TNFRSF10B: variants seen among roughly 807,000 people sequenced by gnomAD.
The protein encoded by TNFRSF10B is tumor necrosis factor receptor superfamily member 10B.
Under a neutral mutation model 41.4 loss-of-function variants are expected in TNFRSF10B, and 35 were observed. That is an observed-to-expected ratio of 0.85 (90% confidence interval 0.65 to 1.12). The LOEUF (loss-of-function observed/expected upper bound fraction) is 1.12, where lower values mean the gene tolerates loss of function less well. Among genes scored for constraint, TNFRSF10B ranks in the 50% most tolerant of loss-of-function variants. TNFRSF10B has a pLI of 0.00. For synonymous variants in TNFRSF10B, 230 were observed against 215.5 expected (o/e 1.07, Z -0.59); for missense variants, 584 against 552.7 (o/e 1.06, Z -0.57).
rs1563303098 is a variant in TNFRSF10B at position 23,022,115 on chromosome 8, CCGGG to C, written c.*552_*555del. 4.7e-6 allele frequency: 2 copies of C among 423,534 alleles called. No homozygotes were observed. Among genetic ancestry groups the C allele is most frequent in the Non-Finnish European group, 9.3e-6 (2 of 214,602 alleles). The allele number at this position is 423,534 out of a possible 1,614,324, so 26.2% of individuals were successfully genotyped here. Reference sequence around the variant, plus strand: ...ATCTAGACAAAATACAAAAAATTAGCCGGGCGTGGTGGTGCACACCTGTGGTCCC... The same window carrying C: ...ATCTAGACAAAATACAAAAAATTAGCCGTGGTGGTGCACACCTGTGGTCCC... On this transcript the variant is annotated 3_prime_UTR_variant, in exon 9 of 9. Transcript: ENST00000276431.
intron 1 of TNFRSF10B, among the ~76,000 whole-genome samples, chr8:23,053,845 G>A (rs1812589097): frequency 6.6e-6 from 1 of 152,112 alleles, no homozygotes; most frequent in Non-Finnish European, 1.5e-5. Flanking sequence ...ATGGTGTTTG[G>A]CTTTCTTTGG....
intron 3 of TNFRSF10B, among the ~76,000 whole-genome samples, 186 bp from the exon 4 acceptor site, chr8:23,029,907 G>A (rs1286310701): frequency 6.6e-6 from 1 of 152,130 alleles, no homozygotes; most frequent in African/African-American, 2.4e-5. Flanking sequence ...ACTAACACTC[G>A]TTGAGTCATA....
At chr8:23,054,768 G>A (rs1812613333) in intron 1 of TNFRSF10B, among the ~76,000 whole-genome samples, 1 of 152,142 alleles carries the variant, frequency 6.6e-6, no homozygotes, top group South Asian at 2.1e-4. Context: ...CAACTCATAG[G>A]TATTTGATGG....
At chr8:23,052,533 G>A (rs867004865) in intron 1 of TNFRSF10B, among the ~76,000 whole-genome samples, 11 of 152,074 alleles carry the variant, frequency 7.2e-5, no homozygotes, top group East Asian at 5.8e-4. Context: ...TGATCCGCCC[G>A]CCTCAGCCTC....
At chr8:23,062,215 T>TTTTTTC (rs543823064) in intron 1 of TNFRSF10B, among the ~76,000 whole-genome samples, 1 of 152,070 alleles carries the variant, frequency 6.6e-6, no homozygotes, top group African/African-American at 2.4e-5. Context: ...ATGGTTTTTC[T>TTTTTTC]TTTTTCTTTT....
intron 1 of TNFRSF10B, among the ~76,000 whole-genome samples, chr8:23,047,572 C>A (rs1282507052): frequency 2.6e-5 from 4 of 151,534 alleles, no homozygotes; most frequent in Admixed American, 2.0e-4. Context: ...GTAGAAGACA[C>A]ACAAATGGTC....
chr8:23,041,223 A>C (rs112369167), intron 2 of TNFRSF10B, among the ~76,000 whole-genome samples: 11,712 of 152,006 alleles, frequency 0.077, 1,528 homozygotes, highest in African/African-American at 0.26. Flanking sequence ...TACCCAGCTA[A>C]TGTTTGTATT....
rs144539754 is a variant in TNFRSF10B at position 23,027,100 on chromosome 8, G to A, written c.936+33C>T. 1,376 of 1,613,244 alleles carry A rather than the reference G, an allele frequency of 8.5e-4. 13 individuals carry two copies. In the African/African-American group the frequency reaches 0.016, roughly 18 times the overall value. On this transcript the variant is annotated intron_variant, in intron 7 of 8. Coordinates refer to ENST00000276431, the MANE Select transcript of TNFRSF10B (RefSeq NM_003842.5). ...CTACGAAATCCCAGGTGAGCAGCAT[G>A]CCAGGAAACAAAATGATCTGTCCCC...
intron 2 of TNFRSF10B, among the ~76,000 whole-genome samples, chr8:23,041,971 C>T (rs893907339): frequency 5.3e-5 from 8 of 152,182 alleles, no homozygotes; most frequent in African/African-American, 1.9e-4. Flanking sequence ...CAAGCATCAC[C>T]TATGTGCTAG....
At chr8:23,064,217 G>A (rs991883751) in intron 1 of TNFRSF10B, among the ~76,000 whole-genome samples, 1 of 152,226 alleles carries the variant, frequency 6.6e-6, no homozygotes, top group Admixed American at 6.5e-5. Context: ...AGGGACAGTA[G>A]TGGACATAGA....
chr8:23,067,891 T>C (rs1170335269), intron 1 of TNFRSF10B, among the ~76,000 whole-genome samples: 5 of 152,180 alleles, frequency 3.3e-5, no homozygotes, highest in African/African-American at 1.2e-4. Flanking sequence ...TCTCTTCCTC[T>C]GTAAAATGTG....
In TNFRSF10B at chr8:23,020,163, T is replaced by C. The variant is rs925824238; in HGVS notation, c.*2508A>G. On this transcript the variant is annotated 3_prime_UTR_variant, in exon 9 of 9. Transcript: ENST00000276431. The stretch of plus-strand genomic sequence containing the variant: ...ATATAAGGTTTCATATTTAATTTGG[T>C]CATGGATTCATAAATACATAAGTAT... 6 of 412,224 alleles carry C rather than the reference T, an allele frequency of 1.5e-5. No homozygotes were observed. The highest frequency in any genetic ancestry group is 2.8e-5 in the Admixed American group (1 of 36,362). 25.5% of individuals were successfully genotyped at this position (412,224 alleles called of 1,614,324 possible). A position where few individuals can be genotyped will look rare whatever the true frequency, so the allele number is the denominator to read the frequency against.
intron 2 of TNFRSF10B, among the ~76,000 whole-genome samples, chr8:23,034,565 C>T (rs973385868): frequency 6.6e-6 from 1 of 152,140 alleles, no homozygotes; most frequent in Non-Finnish European, 1.5e-5. Flanking sequence ...CATCTGTACA[C>T]ACACATACAA....
chr8:23,061,899 G>T (rs540250870), intron 1 of TNFRSF10B, among the ~76,000 whole-genome samples: 3 of 152,290 alleles, frequency 2.0e-5, no homozygotes, highest in African/African-American at 7.2e-5. Flanking sequence ...CTTGGTCATG[G>T]TGTATAATCC....
rs375732089 is a variant in TNFRSF10B at position 23,020,507 on chromosome 8, C to A, written c.*2164G>T. On this transcript the variant is annotated 3_prime_UTR_variant, in exon 9 of 9. Coordinates refer to ENST00000276431, the MANE Select transcript of TNFRSF10B (RefSeq NM_003842.5). ...AGGAGTTCGAGACCAGCCTGACCAA[C>A]ATGGTGAAACCCCGTCTCTACTAAA... is the stretch of plus-strand genomic sequence containing the variant. The A allele has an allele frequency of 3.3e-5, 15 of 451,786 alleles. No homozygotes were observed. The East Asian group carries it at 9.1e-4, about 27-fold the overall frequency. 28.0% of individuals were successfully genotyped at this position (451,786 alleles called of 1,614,324 possible).
rs187834863 is a variant in TNFRSF10B, at chr8:23,042,062, C to T, written c.250+1076G>A. On this transcript the variant is annotated intron_variant, in intron 2 of 8. Coordinates refer to ENST00000276431, the MANE Select transcript of TNFRSF10B (RefSeq NM_003842.5). ...TTACCCTGAGCAGTTGAATTTGGTG[C>T]CTCGATTGTCCTCATTCCCCACACG... is the stretch of plus-strand genomic sequence containing the variant. Among the ~76,000 whole-genome samples, 20 of 152,346 alleles carry T rather than the reference C, an allele frequency of 1.3e-4. No homozygotes were observed. In the East Asian group the frequency reaches 3.9e-3, roughly 29 times the overall value.
chr8:23,025,483 G>C (rs1239122796), intron 7 of TNFRSF10B, among the ~76,000 whole-genome samples: 1 of 152,190 alleles, frequency 6.6e-6, no homozygotes, highest in Non-Finnish European at 1.5e-5. Flanking sequence ...ATTATAAGAT[G>C]TGTAAAAATA....
At chr8:23,038,826 T>C (rs1812094060) in intron 2 of TNFRSF10B, among the ~76,000 whole-genome samples, 1 of 152,124 alleles carries the variant, frequency 6.6e-6, no homozygotes, top group Admixed American at 6.5e-5. Flanking sequence ...AGCAGGGGTC[T>C]CCAACATTTT....
chr8:23,035,934 T>A (rs76204527), intron 2 of TNFRSF10B, among the ~76,000 whole-genome samples: 1,848 of 152,326 alleles, frequency 0.012, 43 homozygotes, highest in African/African-American at 0.042. Context: ...GTAGACATTT[T>A]TCTGTCACTT....
Sources: allele counts gnomAD v4.1 joint callset (sites outside exome capture counted in the v4.1 genomes callset), GRCh38; gene constraint gnomAD v4.1.1; transcripts MANE v1.5; gene names NCBI Gene and HGNC (gene_info 2026-07-23, HGNC 2026-07-21).